The following PDE4D variants were observed in gnomAD, a reference collection of about 807,000 sequenced individuals.
PDE4D encodes the protein 3',5'-cyclic-AMP phosphodiesterase 4D.
A neutral mutation model predicts 87.4 loss-of-function variants in PDE4D; 24 were observed. The ratio of observed to expected loss-of-function variants is 0.27; its 90% CI spans 0.20 to 0.39. The LOEUF (loss-of-function observed/expected upper bound fraction) is 0.39, where lower values mean the gene tolerates loss of function less well. Ranked by LOEUF, PDE4D falls within the 10% of genes least tolerant of loss-of-function variation. PDE4D has a pLI of 1.00. For missense variants in PDE4D, 714 were observed against 1,041.0 expected, an observed-to-expected ratio of 0.69 and a Z score of 4.32; for synonymous variants, 384 against 383.2, an observed-to-expected ratio of 1.00 and a Z score of -0.02.
chr5:59,929,060 GATTTT>G (rs1304099473), intron 3 of PDE4D, among the ~76,000 whole-genome samples: 1 of 151,824 alleles, frequency 6.6e-6, no homozygotes, highest in Non-Finnish European at 1.5e-5. Context: ...TGTACTTAAA[GATTTT>G]CAATATATGT....
chr5:59,595,397 A>C (rs936103891), intron 1 of PDE4D, among the ~76,000 whole-genome samples: 1 of 152,182 alleles, frequency 6.6e-6, no homozygotes, highest in African/African-American at 2.4e-5. Context: ...CACAAGAAAG[A>C]AGCAAGTCAT....
intron 1 of PDE4D, among the ~76,000 whole-genome samples, chr5:59,564,812 AG>A (rs1820610091): frequency 6.6e-6 from 1 of 152,142 alleles, no homozygotes; most frequent in Admixed American, 6.5e-5. Flanking sequence ...ATGCTACTTG[AG>A]GAGCGATGTT....
intron 3 of PDE4D, among the ~76,000 whole-genome samples, chr5:59,185,674 A>C (rs1441776675): frequency 1.3e-5 from 2 of 152,228 alleles, no homozygotes; most frequent in African/African-American, 4.8e-5. Flanking sequence ...TTGATGAAGA[A>C]TCTCATAATA....
chr5:60,064,767 G>A (rs186092607), intron 2 of PDE4D, among the ~76,000 whole-genome samples: 1 of 152,148 alleles, frequency 6.6e-6, no homozygotes, highest in African/African-American at 2.4e-5. Flanking sequence ...TTTCCTCAAA[G>A]GGCCATTTCA....
chr5:59,692,515 C>T (rs970372033), intron 1 of PDE4D, among the ~76,000 whole-genome samples: 5 of 152,082 alleles, frequency 3.3e-5, no homozygotes, highest in African/African-American at 1.2e-4. Flanking sequence ...ATTACTCTCA[C>T]GTACTGAGCT....
chr5:59,182,218 T>C (rs1741795709), intron 4 of PDE4D, among the ~76,000 whole-genome samples: 1 of 152,020 alleles, frequency 6.6e-6, no homozygotes, highest in Admixed American at 6.6e-5. Flanking sequence ...GAAATAGCTC[T>C]GGTCTATATA....
At chr5:60,179,997 T>A (rs2149497408) in intron 2 of PDE4D, among the ~76,000 whole-genome samples, 1 of 152,332 alleles carries the variant, frequency 6.6e-6, no homozygotes, top group Middle Eastern at 3.4e-3. Context: ...TTTTTTTGTA[T>A]CTGTGGTGTT....
intron 5 of PDE4D, among the ~76,000 whole-genome samples, chr5:59,079,883 A>AGG (rs1441650894): frequency 4.9e-5 from 5 of 102,090 alleles, no homozygotes; most frequent in Non-Finnish European, 6.2e-5. Context: ...AGGAGAGGAG[A>AGG]AGGGGAATGG....
At chr5:59,165,468 G>T (rs1781791629) in intron 5 of PDE4D, among the ~76,000 whole-genome samples, 2 of 152,078 alleles carry the variant, frequency 1.3e-5, no homozygotes, top group South Asian at 2.1e-4. Context: ...TAGAGACAGG[G>T]TTTCACCATG....
intron 1 of PDE4D, among the ~76,000 whole-genome samples, chr5:59,620,009 G>A (rs1435951366): frequency 6.6e-6 from 1 of 152,158 alleles, no homozygotes; most frequent in Non-Finnish European, 1.5e-5. Context: ...TAAAGCTGGT[G>A]ATCCAAGACA....
chr5:59,275,838 G>T, intron 1 of PDE4D: 2 of 986,098 alleles, frequency 2.0e-6, no homozygotes, highest in Non-Finnish European at 2.4e-6. Context: ...TGACCGGGAG[G>T]TACTGTAACA....
At chr5:60,251,141 G>A (rs1372956012) in intron 1 of PDE4D, among the ~76,000 whole-genome samples, 1 of 151,980 alleles carries the variant, frequency 6.6e-6, no homozygotes, top group East Asian at 1.9e-4. Flanking sequence ...TACGTTTTAA[G>A]TAGTGTTATT....
intron 1 of PDE4D, among the ~76,000 whole-genome samples, chr5:59,559,951 A>G (rs1819678368): frequency 1.3e-5 from 2 of 152,344 alleles, no homozygotes; most frequent in Middle Eastern, 3.4e-3. Flanking sequence ...TTCTTGACAT[A>G]TAGTCCAATG....
intron 6 of PDE4D, among the ~76,000 whole-genome samples, chr5:59,029,470 ATCTATACACTGG>A: frequency 6.6e-6 from 1 of 151,672 alleles, no homozygotes; most frequent in Admixed American, 6.6e-5. Context: ...AAGGTGAAAG[ATCTATACACTGG>A]AAACTACAAG....
intron 2 of PDE4D, among the ~76,000 whole-genome samples, chr5:59,989,229 T>C (rs1278269169): frequency 1.3e-5 from 2 of 151,322 alleles, no homozygotes; most frequent in Non-Finnish European, 3.0e-5. Context: ...ACCTAGATGG[T>C]ACATTGTTAC....
chr5:60,039,741 A>C (rs980922243), intron 2 of PDE4D, among the ~76,000 whole-genome samples: 1 of 152,130 alleles, frequency 6.6e-6, no homozygotes, highest in African/African-American at 2.4e-5. Context: ...TCTGATATTC[A>C]AGATGTTTCC....
intron 1 of PDE4D, among the ~76,000 whole-genome samples, chr5:60,416,996 T>C (rs987206612): frequency 3.9e-5 from 6 of 152,222 alleles, no homozygotes; most frequent in Non-Finnish European, 7.3e-5. Flanking sequence ...ACAAATGGCC[T>C]ACATGGTTAT....
At chr5:59,453,122 T>A (rs1444184004) in intron 1 of PDE4D, among the ~76,000 whole-genome samples, 1 of 152,170 alleles carries the variant, frequency 6.6e-6, no homozygotes, top group African/African-American at 2.4e-5. Context: ...ATTATGGTGA[T>A]CTGTAATTGC....
chr5:60,002,103 A>C lies in PDE4D; in HGVS notation c.43-13386T>G, dbSNP rs1764078185. 2.6e-5 allele frequency among the ~76,000 whole-genome samples: 4 copies of C among 152,096 alleles called. No individual in the cohort carries two copies. The South Asian group carries it at 8.3e-4, about 32-fold the overall frequency. On this transcript the variant is annotated intron_variant, in intron 2 of 16. Coordinates refer to the PDE4D transcript ENST00000502484. ...TAAATTATTCAATCAAAAGACACAA[A>C]GTGGCTGAATGAATTAAAAAAAATC...
Sources: allele counts gnomAD v4.1 joint callset (sites outside exome capture counted in the v4.1 genomes callset), GRCh38; gene constraint gnomAD v4.1.1; transcripts MANE v1.5; gene names NCBI Gene and HGNC (gene_info 2026-07-23, HGNC 2026-07-21).